Variants in CEP72 observed in about 807,000 individuals in gnomAD.
The protein encoded by CEP72 is centrosomal protein 72.
CEP72 carries 78 observed loss-of-function variants against 65.7 expected under a neutral mutation model. That is an observed-to-expected ratio of 1.19 (90% CI 0.99 to 1.43). The LOEUF (loss-of-function observed/expected upper bound fraction) is 1.43. Among genes scored for constraint, CEP72 ranks in the 40% most tolerant of loss-of-function variants. CEP72 has a pLI of 0.00. For missense variants in CEP72, 914 were observed against 832.9 expected, an observed-to-expected ratio of 1.10 and a Z score of -1.20; for synonymous variants, 358 against 351.7, an observed-to-expected ratio of 1.02 and a Z score of -0.20.
At chr5:613,094 C>T (rs767637045) in intron 1 of CEP72, among the ~76,000 whole-genome samples, 20 of 152,132 alleles carry the variant, frequency 1.3e-4, no homozygotes, top group Non-Finnish European at 2.8e-4. Flanking sequence ...ATTAGTTCAC[C>T]GCGAGTCTTG....
intron 6 of CEP72, among the ~76,000 whole-genome samples, chr5:636,487 A>G (rs1579981069): frequency 6.6e-6 from 1 of 152,192 alleles, no homozygotes; most frequent in Non-Finnish European, 1.5e-5. Flanking sequence ...TGTGATGGCC[A>G]CCTATGTGGC....
chr5:651,978 C>G (rs1422268254), intron 11 of CEP72, among the ~76,000 whole-genome samples: 1 of 152,188 alleles, frequency 6.6e-6, no homozygotes, highest in Non-Finnish European at 1.5e-5. Context: ...GCCACAGACC[C>G]CCATGGGGCC....
chr5:625,034 G>C (rs1050478097), intron 4 of CEP72, among the ~76,000 whole-genome samples: 1 of 152,174 alleles, frequency 6.6e-6, no homozygotes, highest in East Asian at 1.9e-4. Context: ...ACGGTGCCGG[G>C]ATGCGCCTTC....
At position 640,413 on chromosome 5, in the gene CEP72, G is replaced by C. The variant is rs572280484; in HGVS notation, c.1348G>C (p.Ala450Pro). The C allele has an allele frequency of 6.2e-7, 1 of 1,613,422 alleles. No homozygotes were observed. Among genetic ancestry groups the C allele is most frequent in the Non-Finnish European group, 8.5e-7 (1 of 1,179,538 alleles). ...LHSNEAFLAQARHILSSVEEF... is the reference protein window; with the variant it reads ...LHSNEAFLAQPRHILSSVEEF... Reference sequence around the variant, plus strand: ...TATTTGGTTTTCACTCCTAGCTCAGGCAAGACACATCTTGTCATCTGTTGA... The same window carrying C: ...TATTTGGTTTTCACTCCTAGCTCAGCCAAGACACATCTTGTCATCTGTTGA... Residue 450 changes from alanine (A) to proline (P), a missense_variant, in exon 9 of 12, where the codon GCA becomes CCA. Coordinates refer to ENST00000264935, the MANE Select transcript of CEP72 (RefSeq NM_018140.4).
intron 2 of CEP72, among the ~76,000 whole-genome samples, chr5:619,620 A>G (rs16900929): frequency 0.026 from 3,996 of 152,206 alleles, 69 homozygotes; most frequent in African/African-American, 0.041. Flanking sequence ...TATGGAGGCC[A>G]CGTCTGACAC....
chr5:620,216 T>C lies in CEP72; in HGVS notation c.358T>C (p.Tyr120His), dbSNP rs748052117. The C allele has an allele frequency of 6.2e-7, 1 of 1,614,176 alleles. No individual in the cohort carries two copies. The highest frequency in any genetic ancestry group is 8.5e-7 in the Non-Finnish European group (1 of 1,180,006). Residue 120 changes from tyrosine to histidine, a missense_variant, in exon 3 of 12, where the codon TAC becomes CAC. By Grantham distance (83) the Tyr-to-His change is moderately conservative. Transcript: ENST00000264935. ...CCCCGTGGTGAAGGTTGAGCCTGACTACCGCCTTTTTGTTGTGCACCTGCT... is the reference window on the plus strand; with the variant it reads ...CCCCGTGGTGAAGGTTGAGCCTGACCACCGCCTTTTTGTTGTGCACCTGCT... ...LNPVVKVEPD[Y>H]RLFVVHLLPK...
At chr5:652,938 C>T (rs202033008) in intron 11 of CEP72, 50 bp from the exon 12 acceptor site, 50 of 1,529,394 alleles carry the variant, frequency 3.3e-5, no homozygotes, top group African/African-American at 2.9e-4. Flanking sequence ...AGGGCCACAC[C>T]GCTGGAGAGG....
intron 6 of CEP72, 123 bp downstream of exon 6, chr5:635,707 G>A (rs1397354780): frequency 1.8e-5 from 14 of 771,642 alleles, no homozygotes; most frequent in Admixed American, 2.5e-5. Flanking sequence ...CCAAGAGCAC[G>A]GTGCCGGCAC....
chr5:659,284 C>T (rs1171475766), downstream of CEP72, among the ~76,000 whole-genome samples: 1 of 152,246 alleles, frequency 6.6e-6, no homozygotes, highest in East Asian at 1.9e-4. Flanking sequence ...ATTTTAATCT[C>T]ACAAAGTATT....
intron 9 of CEP72, among the ~76,000 whole-genome samples, chr5:643,944 C>T (rs1055280468): frequency 2.0e-5 from 3 of 152,238 alleles, no homozygotes; most frequent in African/African-American, 7.2e-5. Context: ...GTGAGGGCGT[C>T]CTGGAAGAGA....
At chr5:664,948 G>A (rs1739831316) in intron 2 of CEP72, 3 of 810,166 alleles carry the variant, frequency 3.7e-6, no homozygotes, top group African/African-American at 1.7e-5. Context: ...TAGGAGGAGG[G>A]GCAGGAGGGA....
At chr5:638,353 G>A (rs1737763258) in intron 7 of CEP72, among the ~76,000 whole-genome samples, 1 of 152,132 alleles carries the variant, frequency 6.6e-6, no homozygotes, top group Admixed American at 6.5e-5. Flanking sequence ...GGGACAACTG[G>A]CGCAGGCCCA....
chr5:629,432 G>C (rs543942167), intron 4 of CEP72, among the ~76,000 whole-genome samples: 1 of 148,416 alleles, frequency 6.7e-6, no homozygotes, highest in East Asian at 2.0e-4. Flanking sequence ...GACCAGTCCT[G>C]GTGGGATTCT....
intron 1 of CEP72, among the ~76,000 whole-genome samples, chr5:617,712 G>C (rs1656157203): frequency 6.6e-6 from 1 of 152,118 alleles, no homozygotes; most frequent in South Asian, 2.1e-4. Flanking sequence ...GGAAACGTGG[G>C]GTTTTAGCCG....
rs1481206875 is a variant in CEP72, at chr5:633,871, G to A, written c.615G>A (p.Glu205=). The change falls in exon 5 of 12, where the codon GAG becomes GAA. Residue 205 remains glutamate (E), a synonymous_variant. Transcript: ENST00000264935. ...EAVLNLIAEC[E]WDLGRPPGST... ...TCCTGAACCTCATTGCAGAGTGCGA[G>A]TGGGACCTCGGCAGGCCTCCCGGGA... The A allele has an allele frequency of 1.9e-6, 3 of 1,613,782 alleles. No homozygotes were observed. The highest frequency in any genetic ancestry group is 1.7e-5 in the Admixed American group (1 of 60,036).
Position 622,107 on chromosome 5 carries a change from A to C in CEP72, c.403+1846A>C, listed in dbSNP as rs74547827. ...ACATTTTAAACTGCACTGCTTTGCT[A>C]CTTGGAGAAGTTTCTGGAGATGCTG... is the stretch of plus-strand genomic sequence containing the variant. On this transcript the variant is annotated intron_variant, in intron 3 of 11. Coordinates refer to ENST00000264935, the MANE Select transcript of CEP72 (RefSeq NM_018140.4). Among the ~76,000 whole-genome samples the C allele has an allele frequency of 2.7e-4, 41 of 152,324 alleles. No individual in the cohort carries two copies. In the East Asian group the frequency reaches 7.7e-3, roughly 29 times the overall value.
chr5:676,258 G>C, the CEP72 span: 3 of 152,314 alleles, frequency 2.0e-5, no homozygotes, highest in Non-Finnish European at 2.9e-5. Context: ...ACGCAGTCTA[G>C]GAACATGCAC....
downstream of CEP72, among the ~76,000 whole-genome samples, chr5:672,148 G>A (rs981519103): frequency 6.6e-6 from 1 of 152,178 alleles, no homozygotes; most frequent in Non-Finnish European, 1.5e-5. Flanking sequence ...GAAGACTTTA[G>A]GACAAAGTGT....
the CEP72 span, among the ~76,000 whole-genome samples, chr5:673,359 C>G: frequency 2.0e-5 from 3 of 152,090 alleles, no homozygotes; most frequent in East Asian, 3.9e-4. Flanking sequence ...GAGGGGAGTC[C>G]AAGCTGCAGG....
Sources: allele counts gnomAD v4.1 joint callset (sites outside exome capture counted in the v4.1 genomes callset), GRCh38; gene constraint gnomAD v4.1.1; transcripts MANE v1.5; gene names NCBI Gene and HGNC (gene_info 2026-07-23, HGNC 2026-07-21).